LIMK1: variants seen among roughly 807,000 people sequenced by gnomAD.
LIMK1 encodes the protein LIM motif-containing protein kinase.
A neutral mutation model predicts 77.6 loss-of-function variants in LIMK1; 21 were observed. That is an observed-to-expected ratio of 0.27 (90% CI 0.19 to 0.39). The LOEUF (loss-of-function observed/expected upper bound fraction) is 0.39, where lower values mean the gene tolerates loss of function less well. Among genes scored for constraint, LIMK1 ranks in the 10% least tolerant of loss-of-function variants. The pLI is 1.00. For missense variants in LIMK1, 696 were observed against 901.6 expected, an observed-to-expected ratio of 0.77 and a Z score of 2.92; for synonymous variants, 358 against 370.0, an observed-to-expected ratio of 0.97 and a Z score of 0.37.
intron 5 of LIMK1, among the ~76,000 whole-genome samples, chr7:74,104,132 A>G (rs914755469): frequency 3.3e-5 from 5 of 150,862 alleles, no homozygotes; most frequent in Non-Finnish European, 7.4e-5. Flanking sequence ...GGGTCTTGCT[A>G]TGCTGCCCAG....
At chr7:74,120,768 C>A in intron 14 of LIMK1, 124 bp from the exon 15 acceptor site, 1 of 1,535,822 alleles carries the variant, frequency 6.5e-7, no homozygotes, top group East Asian at 2.3e-5. Flanking sequence ...GGCTGGCCCC[C>A]ATGGGGTACT....
At chr7:74,106,292 G>A in intron 7 of LIMK1, 49 bp downstream of exon 7, 1 of 1,547,924 alleles carries the variant, frequency 6.5e-7, no homozygotes, top group South Asian at 1.2e-5. Context: ...ACTCCTGCTG[G>A]GGCTCAGGGG....
intron 12 of LIMK1, among the ~76,000 whole-genome samples, chr7:74,113,087 A>G (rs1799736899): frequency 6.6e-6 from 1 of 151,880 alleles, no homozygotes; most frequent in African/African-American, 2.4e-5. Context: ...TTGGGAGGCC[A>G]AGGCAGGTGG....
chr7:74,105,676 CT>C (rs1799553629), intron 5 of LIMK1, among the ~76,000 whole-genome samples, 198 bp from the exon 6 acceptor site: 2 of 152,168 alleles, frequency 1.3e-5, no homozygotes, highest in Non-Finnish European at 2.9e-5. Context: ...CAGCTCACAC[CT>C]GTGGCAGACA....
intron 2 of LIMK1, among the ~76,000 whole-genome samples, chr7:74,088,182 T>G (rs1440724318): frequency 6.6e-6 from 1 of 152,232 alleles, no homozygotes; most frequent in Non-Finnish European, 1.5e-5. Flanking sequence ...GTCTTTGTTT[T>G]GCCAGAGAGA....
intron 9 of LIMK1, 81 bp downstream of exon 9, chr7:74,108,038 G>A: frequency 2.0e-6 from 2 of 1,017,652 alleles, no homozygotes. Context: ...GTCGGAAAAG[G>A]GCTCTGGGAA....
At chr7:74,120,483 T>TC in intron 13 of LIMK1, 100 bp from the exon 14 acceptor site, 1 of 1,317,064 alleles carries the variant, frequency 7.6e-7, no homozygotes, top group Non-Finnish European at 1.1e-6. Context: ...GGCCTGGACC[T>TC]CCCGGCCGGG....
chr7:74,104,301 G>C (rs1563918353), intron 5 of LIMK1, among the ~76,000 whole-genome samples: 1 of 151,966 alleles, frequency 6.6e-6, no homozygotes, highest in Non-Finnish European at 1.5e-5. Flanking sequence ...CCAGGACCTA[G>C]GGCAGAGACA....
chr7:74,090,265 C>A (rs371791395), intron 2 of LIMK1, among the ~76,000 whole-genome samples: 6 of 152,228 alleles, frequency 3.9e-5, no homozygotes, highest in African/African-American at 1.4e-4. Context: ...ATCCCAGCTA[C>A]TCAGGAGGCT....
intron 4 of LIMK1, 29 bp from the exon 5 acceptor site, chr7:74,099,003 T>C: frequency 6.3e-7 from 1 of 1,583,550 alleles, no homozygotes. Flanking sequence ...CTTGACACTC[T>C]TTTCTTCCCA....
intron 2 of LIMK1, among the ~76,000 whole-genome samples, chr7:74,086,611 C>G (rs1409469655): frequency 2.0e-5 from 3 of 152,164 alleles, no homozygotes; most frequent in Non-Finnish European, 4.4e-5. Context: ...ATCCTCCTGC[C>G]TTGGCCTCCG....
chr7:74,084,511 G>T (rs1799094364), intron 1 of LIMK1, among the ~76,000 whole-genome samples: 1 of 152,152 alleles, frequency 6.6e-6, no homozygotes, highest in African/African-American at 2.4e-5. Flanking sequence ...TTCCCCTTCT[G>T]TACATTTGGA....
intron 9 of LIMK1, among the ~76,000 whole-genome samples, chr7:74,108,480 A>G (rs528490117): frequency 3.9e-5 from 6 of 152,018 alleles, no homozygotes; most frequent in South Asian, 2.1e-4. Context: ...CCCCGTCTCT[A>G]CTAAAAATAC....
chr7:74,115,758 G>A (rs782179595), intron 12 of LIMK1, 44 bp from the exon 13 acceptor site: 3 of 1,602,622 alleles, frequency 1.9e-6, no homozygotes, highest in Non-Finnish European at 2.6e-6. Flanking sequence ...CAAGCGGGCA[G>A]TACTAGGATC....
chr7:74,099,495 C>G (rs1015816167), intron 5 of LIMK1, among the ~76,000 whole-genome samples: 1 of 152,094 alleles, frequency 6.6e-6, no homozygotes, highest in East Asian at 1.9e-4. Flanking sequence ...CTTCGGGAGG[C>G]CGAAGTGGGT....
At chr7:74,108,685 C>T (rs1225509769) in intron 9 of LIMK1, among the ~76,000 whole-genome samples, 1 of 151,004 alleles carries the variant, frequency 6.6e-6, no homozygotes, top group Non-Finnish European at 1.5e-5. Context: ...AAAGTAACTG[C>T]AGGCAGGGGA....
At chr7:74,116,036 C>CG (rs1219632588) in intron 13 of LIMK1, 78 bp downstream of exon 13, 2 of 1,457,210 alleles carry the variant, frequency 1.4e-6, no homozygotes, top group African/African-American at 2.8e-5. Flanking sequence ...ACCTCCCAAG[C>CG]CCCTGGCCCC....
rs954390464 is a variant in LIMK1, at chr7:74,085,661, G to A, written c.56-87G>A. 5 of 985,092 alleles carry A rather than the reference G, an allele frequency of 5.1e-6. No homozygotes were observed. In the Admixed American group the frequency reaches 8.0e-5, roughly 16 times the overall value. 61.0% of individuals were successfully genotyped at this position (985,092 alleles called of 1,614,324 possible). ...GTGTGCGAGGATTGGTGCAGGTGTA[G>A]GTATATGTGGGGTGGGCAGGGCAAG... On this transcript the variant is annotated intron_variant, in intron 1 of 15. Transcript: ENST00000336180.
At chr7:74,118,296 G>A (rs1799859045) in intron 13 of LIMK1, among the ~76,000 whole-genome samples, 1 of 151,046 alleles carries the variant, frequency 6.6e-6, no homozygotes, top group South Asian at 2.1e-4. Context: ...AGAATGATGT[G>A]AACCCAGGAG....
Sources: gnomAD v4.1 joint callset for allele counts (sites outside exome capture counted in the v4.1 genomes callset) on GRCh38, gnomAD v4.1.1 for gene constraint, MANE v1.5 for transcripts, NCBI Gene and HGNC (gene_info 2026-07-23, HGNC 2026-07-21) for gene names.